Variants in AVEN observed in about 807,000 individuals in gnomAD.
The protein encoded by AVEN is apoptosis and caspase activation inhibitor.
A neutral mutation model predicts 38.1 loss-of-function variants in AVEN; 41 were observed. That is an observed-to-expected ratio of 1.08 (90% CI 0.84 to 1.40). The LOEUF (loss-of-function observed/expected upper bound fraction) is 1.40, where lower values mean the gene tolerates loss of function less well. AVEN is among the 40% of genes most tolerant of loss of function. The pLI, the probability that AVEN is intolerant of heterozygous loss-of-function variation, is 0.00. For synonymous variants in AVEN, 206 were observed against 171.8 expected (o/e 1.20, Z -1.56); for missense variants, 605 against 438.8 (o/e 1.38, Z -3.38).
At chr15:33,960,420 C>CGT (rs530669371) in intron 2 of AVEN, among the ~76,000 whole-genome samples, 14 of 143,286 alleles carry the variant, frequency 9.8e-5, no homozygotes, top group East Asian at 4.0e-4. Flanking sequence ...GTCTGTGTCT[C>CGT]GTGTGTGTGT....
chr15:33,892,850 C>T (rs969496319), intron 2 of AVEN, among the ~76,000 whole-genome samples: 1 of 152,042 alleles, frequency 6.6e-6, no homozygotes, highest in African/African-American at 2.4e-5. Context: ...TCTTCCTACC[C>T]GTGGGCATGG....
intron 2 of AVEN, among the ~76,000 whole-genome samples, chr15:33,990,393 A>T (rs1307967407): frequency 6.6e-6 from 1 of 152,082 alleles, no homozygotes; most frequent in East Asian, 1.9e-4. Flanking sequence ...AAAAAAAAAG[A>T]AAAGAAAAGA....
intron 5 of AVEN, among the ~76,000 whole-genome samples, chr15:34,057,762 C>A (rs1033734967): frequency 1.3e-5 from 2 of 152,164 alleles, no homozygotes; most frequent in Non-Finnish European, 2.9e-5. Flanking sequence ...TGACACTGTT[C>A]TCCAGCCTGA....
intron 2 of AVEN, among the ~76,000 whole-genome samples, chr15:33,930,557 AC>A (rs1893803165): frequency 6.6e-6 from 1 of 152,206 alleles, no homozygotes; most frequent in African/African-American, 2.4e-5. Context: ...AAAACAGCCT[AC>A]ATATACTTTC....
rs559902550 is a variant in AVEN at position 33,953,274 on chromosome 15, T to TA, written c.445+49757dup. 6.3e-3 allele frequency among the ~76,000 whole-genome samples: 935 copies of TA among 148,882 alleles called. 9 individuals carry two copies. Among genetic ancestry groups the TA allele is most frequent in the East Asian group, 0.022 (115 of 5,112 alleles). ...CTACCAATGACTTTCTTCACAGAAT[T>TA]AAAAAAAAAACTACTTTAAAGTTCA... On this transcript the variant is annotated intron_variant, in intron 2 of 5. Coordinates refer to ENST00000306730, the MANE Select transcript of AVEN (RefSeq NM_020371.3).
intron 2 of AVEN, among the ~76,000 whole-genome samples, chr15:33,915,103 T>C (rs552810752): frequency 6.6e-6 from 1 of 152,000 alleles, no homozygotes; most frequent in South Asian, 2.1e-4. Context: ...TCTGGGGCAA[T>C]TTGATATGTG....
chr15:34,045,764 T>C (rs1597385212), intron 5 of AVEN, among the ~76,000 whole-genome samples: 2 of 152,266 alleles, frequency 1.3e-5, no homozygotes, highest in East Asian at 3.9e-4. Context: ...CCTCAAAAGT[T>C]GGCAAGTCCA....
intron 2 of AVEN, among the ~76,000 whole-genome samples, chr15:33,917,351 G>GTGTGT (rs1555506890): frequency 5.0e-5 from 7 of 140,340 alleles, no homozygotes; most frequent in Admixed American, 7.2e-5. Context: ...AAGAAAATGT[G>GTGTGT]GTGTGTGTGT....
intron 1 of AVEN, among the ~76,000 whole-genome samples, chr15:34,021,693 A>G (rs1284045591): frequency 6.6e-6 from 1 of 152,058 alleles, no homozygotes; most frequent in East Asian, 1.9e-4. Context: ...CGTCTCTACT[A>G]AAAATACAAA....
At chr15:33,988,879 C>A (rs6495434) in intron 2 of AVEN, among the ~76,000 whole-genome samples, 33,470 of 152,190 alleles carry the variant, frequency 0.22, 4,183 homozygotes, top group Middle Eastern at 0.41. Flanking sequence ...GATTTCCCAA[C>A]TATCCCTTGG....
intron 2 of AVEN, among the ~76,000 whole-genome samples, chr15:33,945,760 G>C (rs1019629010): frequency 2.6e-5 from 4 of 151,968 alleles, no homozygotes; most frequent in African/African-American, 9.7e-5. Context: ...TAATTTTTTT[G>C]TATTTTCGTA....
intron 2 of AVEN, among the ~76,000 whole-genome samples, chr15:33,956,223 T>C (rs1392253514): frequency 6.6e-6 from 1 of 152,130 alleles, no homozygotes; most frequent in Non-Finnish European, 1.5e-5. Flanking sequence ...GCCCCTACAT[T>C]AGCTCACCTG....
intron 1 of AVEN, among the ~76,000 whole-genome samples, chr15:34,072,337 G>A (rs1336138783): frequency 6.6e-6 from 1 of 151,650 alleles, no homozygotes; most frequent in Admixed American, 6.6e-5. Context: ...CCTGGGCCGG[G>A]CGCAGTGGCT....
intron 4 of AVEN, 63 bp downstream of exon 4, chr15:33,870,872 G>C (rs1178142802): frequency 2.5e-6 from 3 of 1,189,170 alleles, no homozygotes; most frequent in Non-Finnish European, 3.7e-6. Flanking sequence ...TGAGGGAAGT[G>C]TTCCCCTCTT....
intron 2 of AVEN, among the ~76,000 whole-genome samples, chr15:33,893,087 T>C (rs570718183): frequency 3.5e-4 from 53 of 152,346 alleles, no homozygotes; most frequent in Non-Finnish European, 7.1e-4. Context: ...GAGACTTTGC[T>C]GAAGTTGCTC....
chr15:33,957,269 G>T (rs1015014605), intron 2 of AVEN, among the ~76,000 whole-genome samples: 1 of 152,144 alleles, frequency 6.6e-6, no homozygotes. Context: ...TTAGCCACAC[G>T]TATATCCCAA....
chr15:34,048,287 C>T (rs1899797742), intron 5 of AVEN, among the ~76,000 whole-genome samples: 1 of 152,190 alleles, frequency 6.6e-6, no homozygotes, highest in South Asian at 2.1e-4. Context: ...TCTGATCTTT[C>T]CCTGGGATGG....
chr15:33,988,346 T>C (rs530104672), intron 2 of AVEN, among the ~76,000 whole-genome samples: 46 of 152,366 alleles, frequency 3.0e-4, no homozygotes, highest in African/African-American at 1.1e-3. Context: ...GTTTGAATCC[T>C]GATTCTGCTA....
chr15:33,969,406 T>G (rs1895530564), intron 2 of AVEN, among the ~76,000 whole-genome samples: 1 of 151,986 alleles, frequency 6.6e-6, no homozygotes, highest in Non-Finnish European at 1.5e-5. Flanking sequence ...ATCCCAATTT[T>G]GTTTTATTTA....
Sources: gnomAD v4.1 joint callset for allele counts (sites outside exome capture counted in the v4.1 genomes callset) on GRCh38, gnomAD v4.1.1 for gene constraint, MANE v1.5 for transcripts, NCBI Gene and HGNC (gene_info 2026-07-23, HGNC 2026-07-21) for gene names.